The following CACHD1 variants were observed in gnomAD, a reference collection of about 807,000 sequenced individuals.
CACHD1 encodes the protein VWFA and cache domain-containing protein 1.
A neutral mutation model predicts 138.7 loss-of-function variants in CACHD1; 71 were observed. The observed-to-expected ratio is 0.51, with a 90% CI of 0.42 to 0.62. The LOEUF is 0.62. Among genes scored for constraint, CACHD1 ranks in the 20% least tolerant of loss-of-function variants. The pLI is 0.00. For missense variants in CACHD1, 1,389 were observed against 1,625.3 expected (o/e 0.85, Z 2.50); for synonymous variants, 578 against 591.5 (o/e 0.98, Z 0.33).
chr1:64,641,564 CT>C (rs1253772937), intron 7 of CACHD1, among the ~76,000 whole-genome samples: 1 of 152,144 alleles, frequency 6.6e-6, no homozygotes, highest in Non-Finnish European at 1.5e-5. Context: ...AAATCGCCTC[CT>C]TTCATCTGAT....
At chr1:64,579,574 T>C (rs1254066581) in intron 2 of CACHD1, among the ~76,000 whole-genome samples, 1 of 152,204 alleles carries the variant, frequency 6.6e-6, no homozygotes, top group African/African-American at 2.4e-5. Flanking sequence ...AAATTAATGA[T>C]ATTTACTTTA....
chr1:64,473,320 C>T (rs929287175), intron 1 of CACHD1, among the ~76,000 whole-genome samples: 1 of 150,542 alleles, frequency 6.6e-6, no homozygotes, highest in African/African-American at 2.4e-5. Flanking sequence ...TTAGACTGGT[C>T]GGAAAAAAAA....
rs1005041255 is a variant in CACHD1 at position 64,692,252 on chromosome 1, T to A, written c.*691T>A. ...AGCTCTATTTCTTATTTAACTGATA[T>A]CCCACTGCCCCACTCCACAAAATAG... is the stretch of plus-strand genomic sequence containing the variant. On this transcript the variant is annotated 3_prime_UTR_variant, in exon 27 of 27. Coordinates refer to ENST00000651257, the MANE Select transcript of CACHD1 (RefSeq NM_020925.4). 6.6e-6 allele frequency: 1 copy of A among 152,326 alleles called. No homozygotes were observed. The highest frequency in any genetic ancestry group is 2.4e-5 in the African/African-American group (1 of 41,446). The allele number at this position is 152,326 out of a possible 1,614,324, so 9.4% of individuals were successfully genotyped here. A position where few individuals can be genotyped will look rare whatever the true frequency, so the allele number is the denominator to read the frequency against.
intron 2 of CACHD1, among the ~76,000 whole-genome samples, chr1:64,581,204 C>T (rs777393264): frequency 1.6e-4 from 25 of 152,230 alleles, no homozygotes; most frequent in Non-Finnish European, 3.1e-4. Flanking sequence ...TTGAAAATAA[C>T]AAATGAAGAT....
intron 3 of CACHD1, among the ~76,000 whole-genome samples, chr1:64,597,592 C>A (rs1296386069): frequency 8.6e-6 from 1 of 116,178 alleles, no homozygotes; most frequent in Non-Finnish European, 1.7e-5. Flanking sequence ...TCTCTTGAAA[C>A]TGAATTTCAG....
At chr1:64,603,099 C>CT (rs34372401) in intron 4 of CACHD1, among the ~76,000 whole-genome samples, 187 bp downstream of exon 4, 652 of 64,920 alleles carry the variant, frequency 0.01, 26 homozygotes, top group African/African-American at 0.026. Context: ...AAGCTTACAT[C>CT]TTTTTTTTTT....
chr1:64,601,055 G>T (rs545194993), intron 3 of CACHD1, among the ~76,000 whole-genome samples: 1 of 152,244 alleles, frequency 6.6e-6, no homozygotes, highest in African/African-American at 2.4e-5. Flanking sequence ...CTCTTGGATT[G>T]CCCTGGTCTA....
At chr1:64,634,675 G>A (rs984142934) in intron 7 of CACHD1, among the ~76,000 whole-genome samples, 8 of 151,980 alleles carry the variant, frequency 5.3e-5, no homozygotes, top group East Asian at 3.9e-4. Context: ...ATGAGTCACC[G>A]CGACCAGCGT....
At chr1:64,517,382 G>A (rs1646466504) in intron 1 of CACHD1, among the ~76,000 whole-genome samples, 1 of 152,122 alleles carries the variant, frequency 6.6e-6, no homozygotes, top group Admixed American at 6.5e-5. Flanking sequence ...ATCATATGTT[G>A]GAGAATGGCT....
At chr1:64,665,521 T>C (rs1210310688) in intron 15 of CACHD1, among the ~76,000 whole-genome samples, 1 of 152,118 alleles carries the variant, frequency 6.6e-6, no homozygotes, top group Non-Finnish European at 1.5e-5. Context: ...TGCCCAGATA[T>C]ATACTGAGTT....
chr1:64,648,082 C>A, intron 9 of CACHD1, 48 bp downstream of exon 9: 1 of 1,432,710 alleles, frequency 7.0e-7, no homozygotes, highest in Non-Finnish European at 9.6e-7. Flanking sequence ...AAGAACTGGG[C>A]AGATAGAAAT....
intron 4 of CACHD1, among the ~76,000 whole-genome samples, chr1:64,627,399 C>T (rs940594034): frequency 6.6e-6 from 1 of 151,694 alleles, no homozygotes; most frequent in African/African-American, 2.4e-5. Context: ...AGAGTGAGAC[C>T]CTGTCTCAAA....
At position 64,566,479 on chromosome 1, in the gene CACHD1, T is replaced by TCCCCCCCCCCCC. The variant is rs34760107; in HGVS notation, c.262-15666_262-15665insCCCCCCCCCCCC. On this transcript the variant is annotated intron_variant, in intron 2 of 26. Coordinates refer to ENST00000651257, the MANE Select transcript of CACHD1 (RefSeq NM_020925.4). ...CAGTGCTCCACTGTATGTTTTCAAT[T>TCCCCCCCCCCCC]CCCCCCCCCCCACAAGGTATGGGGG... Among the ~76,000 whole-genome samples, 2 of 120,750 alleles carry TCCCCCCCCCCCC rather than the reference T, an allele frequency of 1.7e-5. 1 individual carries two copies. 79.2% of individuals were successfully genotyped at this position (120,750 alleles called of 152,430 possible). A position where few individuals can be genotyped will look rare whatever the true frequency, so the allele number is the denominator to read the frequency against.
intron 2 of CACHD1, among the ~76,000 whole-genome samples, chr1:64,555,243 C>T (rs1429852553): frequency 1.3e-5 from 2 of 152,058 alleles, no homozygotes; most frequent in Non-Finnish European, 2.9e-5. Flanking sequence ...CCATCCTTGC[C>T]CTCCCCAAAG....
intron 10 of CACHD1, among the ~76,000 whole-genome samples, 169 bp downstream of exon 10, chr1:64,652,479 A>G (rs771990587): frequency 2.0e-5 from 3 of 152,110 alleles, no homozygotes; most frequent in Admixed American, 6.6e-5. Context: ...TGGATCTCCA[A>G]ATTACACATG....
intron 2 of CACHD1, among the ~76,000 whole-genome samples, chr1:64,556,040 C>A (rs184648871): frequency 8.5e-5 from 13 of 152,290 alleles, no homozygotes; most frequent in African/African-American, 2.6e-4. Context: ...CCACTCCCTG[C>A]ATTTAGATTC....
chr1:64,643,857 A>G (rs531999887), intron 8 of CACHD1, among the ~76,000 whole-genome samples: 1 of 152,324 alleles, frequency 6.6e-6, no homozygotes, highest in African/African-American at 2.4e-5. Flanking sequence ...CAAAGCCAGC[A>G]TAAGGAGTTT....
intron 4 of CACHD1, among the ~76,000 whole-genome samples, chr1:64,622,627 A>G (rs1647955730): frequency 1.3e-5 from 2 of 152,246 alleles, no homozygotes. Flanking sequence ...TTCATCTAGC[A>G]TGTATTTCTT....
At chr1:64,593,443 T>C (rs1647124236) in intron 3 of CACHD1, among the ~76,000 whole-genome samples, 1 of 152,232 alleles carries the variant, frequency 6.6e-6, no homozygotes, top group Admixed American at 6.5e-5. Flanking sequence ...TTATGAGAAA[T>C]AAAATAATGT....
Sources: allele counts gnomAD v4.1 joint callset (sites outside exome capture counted in the v4.1 genomes callset), GRCh38; gene constraint gnomAD v4.1.1; transcripts MANE v1.5; gene names NCBI Gene and HGNC (gene_info 2026-07-23, HGNC 2026-07-21).